The following CRIM1 variants were observed in gnomAD, a reference collection of about 807,000 sequenced individuals.
CRIM1 encodes the protein cysteine rich transmembrane BMP regulator 1, also known as cysteine-rich motor neuron 1 protein.
CRIM1 carries 32 observed loss-of-function variants against 116.4 expected under a neutral mutation model. That is an observed-to-expected ratio of 0.27 (90% CI 0.21 to 0.37). CRIM1 has a LOEUF of 0.37. Among genes scored for constraint, CRIM1 ranks in the 10% least tolerant of loss-of-function variants. CRIM1 has a pLI of 1.00. For missense variants in CRIM1, 1,331 were observed against 1,354.8 expected, an observed-to-expected ratio of 0.98 and a Z score of 0.28; for synonymous variants, 590 against 509.2, an observed-to-expected ratio of 1.16 and a Z score of -2.13.
chr2:36,506,519 C>T (rs2023409), intron 8 of CRIM1, among the ~76,000 whole-genome samples: 51,245 of 151,852 alleles, frequency 0.34, 9,419 homozygotes, highest in East Asian at 0.54. Flanking sequence ...TAATGAATGG[C>T]GCCCCCGACA....
At chr2:36,459,832 T>G (rs1438638696) in intron 4 of CRIM1, among the ~76,000 whole-genome samples, 1 of 151,994 alleles carries the variant, frequency 6.6e-6, no homozygotes, top group South Asian at 2.1e-4. Flanking sequence ...CAGTAGAATA[T>G]GGAAACTAAT....
chr2:36,500,511 C>T (rs746926087), intron 8 of CRIM1, among the ~76,000 whole-genome samples: 2 of 151,940 alleles, frequency 1.3e-5, no homozygotes, highest in African/African-American at 2.4e-5. Flanking sequence ...TGTAATAGAA[C>T]GTTTGATTTT....
intron 2 of CRIM1, among the ~76,000 whole-genome samples, chr2:36,426,976 G>C (rs976156867): frequency 1.3e-5 from 2 of 152,174 alleles, no homozygotes; most frequent in African/African-American, 4.8e-5. Context: ...GCTGAGGCGG[G>C]TGGATCACGA....
chr2:36,467,500 T>C (rs549480663), intron 5 of CRIM1, among the ~76,000 whole-genome samples: 1 of 152,326 alleles, frequency 6.6e-6, no homozygotes, highest in Admixed American at 6.5e-5. Flanking sequence ...AGATACTACA[T>C]ATCAAAGATT....
At chr2:36,390,359 A>T (rs1671479945) in intron 1 of CRIM1, among the ~76,000 whole-genome samples, 1 of 152,150 alleles carries the variant, frequency 6.6e-6, no homozygotes, top group Admixed American at 6.5e-5. Flanking sequence ...AACAATAAGA[A>T]CTCAAATAAA....
At chr2:36,506,157 A>ACACTCTCT (rs1397944202) in intron 8 of CRIM1, among the ~76,000 whole-genome samples, 4 of 125,196 alleles carry the variant, frequency 3.2e-5, no homozygotes, top group African/African-American at 1.3e-4. Context: ...ACACACACAC[A>ACACTCTCT]CTCTCTCTCT....
chr2:36,380,833 C>G (rs375577203), intron 1 of CRIM1, among the ~76,000 whole-genome samples: 2 of 152,214 alleles, frequency 1.3e-5, no homozygotes, highest in East Asian at 1.9e-4. Context: ...TTTAGGCCCG[C>G]CCAACTTTAC....
intron 1 of CRIM1, among the ~76,000 whole-genome samples, chr2:36,394,545 G>A (rs1260468605): frequency 1.3e-5 from 2 of 151,840 alleles, no homozygotes; most frequent in Admixed American, 1.3e-4. Context: ...TTGTCTTGAA[G>A]ATAGGAATGT....
intron 5 of CRIM1, among the ~76,000 whole-genome samples, chr2:36,473,134 A>G: frequency 6.6e-6 from 1 of 152,296 alleles, no homozygotes; most frequent in East Asian, 1.9e-4. Context: ...CGGGGTTGTT[A>G]TAAAATAAAT....
intron 1 of CRIM1, among the ~76,000 whole-genome samples, chr2:36,363,199 CAA>C (rs200110269): frequency 1.7e-3 from 116 of 70,108 alleles, no homozygotes; most frequent in Admixed American, 1.9e-3. Context: ...GACCCTGTCT[CAA>C]AAAAAAAAAA....
At chr2:36,395,867 T>C (rs1671989132) in intron 1 of CRIM1, among the ~76,000 whole-genome samples, 1 of 152,222 alleles carries the variant, frequency 6.6e-6, no homozygotes, top group Non-Finnish European at 1.5e-5. Flanking sequence ...GATTATTAGC[T>C]GCCTTAATGT....
At chr2:36,425,462 T>C (rs1674380578) in intron 2 of CRIM1, among the ~76,000 whole-genome samples, 1 of 152,212 alleles carries the variant, frequency 6.6e-6, no homozygotes, top group African/African-American at 2.4e-5. Flanking sequence ...GCTTTACATA[T>C]TTCTAGCAGA....
chr2:36,479,626 C>A lies in CRIM1; in HGVS notation c.1304C>A (p.Ala435Glu). 1 of 1,614,214 alleles carries A rather than the reference C, an allele frequency of 6.2e-7. No homozygotes were observed. Among genetic ancestry groups the A allele is most frequent in the Non-Finnish European group, 8.5e-7 (1 of 1,180,024 alleles). ...QCVNGERHCV[A>E]TVCGQTCTNP... ...GTCAACGGTGAACGCCACTGCGTTG[C>A]GACCGTCTGCGGACAGACCTGCACA... Residue 435 changes from alanine (A) to glutamate (E), a missense_variant, in exon 7 of 17, where the codon GCG (alanine) becomes GAG (glutamate). Transcript: ENST00000280527.
Position 36,471,845 on chromosome 2 carries a change from G to C in CRIM1, c.992-5044G>C, listed in dbSNP as rs149886321. On this transcript the variant is annotated intron_variant, in intron 5 of 16. Coordinates refer to ENST00000280527, the MANE Select transcript of CRIM1 (RefSeq NM_016441.3). ...GCAGGCTGCAGGTTAGACAAGTATG[G>C]ACTACAGTACAGTGTAAACATAACT... Among the ~76,000 whole-genome samples the C allele has an allele frequency of 1.5e-3, 228 of 152,198 alleles. 5 individuals carry two copies. The East Asian group carries it at 0.017, about 11-fold the overall frequency.
chr2:36,499,765 G>T lies in CRIM1; in HGVS notation c.1501+418G>T, dbSNP rs556907739. On this transcript the variant is annotated intron_variant, in intron 8 of 16. Coordinates refer to ENST00000280527, the MANE Select transcript of CRIM1 (RefSeq NM_016441.3). ...TTGACCCCAGCTTTGCCTCCATGCA[G>T]ATTCCAATCATGTATCCAGGCCCTG... is the stretch of plus-strand genomic sequence containing the variant. 2.6e-5 allele frequency among the ~76,000 whole-genome samples: 4 copies of T among 152,312 alleles called. 1 individual carries two copies. The South Asian group carries it at 6.2e-4, about 24-fold the overall frequency.
intron 11 of CRIM1, among the ~76,000 whole-genome samples, chr2:36,516,535 G>A (rs903687640): frequency 6.6e-6 from 1 of 152,062 alleles, no homozygotes; most frequent in African/African-American, 2.4e-5. Flanking sequence ...CTCTCCTCTG[G>A]GGAAAGAAAT....
At chr2:36,464,167 C>T (rs1677806758) in intron 4 of CRIM1, among the ~76,000 whole-genome samples, 3 of 152,208 alleles carry the variant, frequency 2.0e-5, no homozygotes, top group Non-Finnish European at 4.4e-5. Context: ...CCTGTGCAAG[C>T]ATCGATTCAC....
intron 5 of CRIM1, among the ~76,000 whole-genome samples, chr2:36,466,756 T>G (rs1296615849): frequency 6.6e-6 from 1 of 152,226 alleles, no homozygotes; most frequent in Non-Finnish European, 1.5e-5. Context: ...TCTAGAGGTG[T>G]CTGTTAAATG....
At chr2:36,484,872 T>C (rs1679700205) in intron 7 of CRIM1, among the ~76,000 whole-genome samples, 1 of 152,230 alleles carries the variant, frequency 6.6e-6, no homozygotes, top group African/African-American at 2.4e-5. Context: ...GTGCTAGCGG[T>C]TGGGCAAATG....
Sources: allele counts gnomAD v4.1 joint callset (sites outside exome capture counted in the v4.1 genomes callset), GRCh38; gene constraint gnomAD v4.1.1; transcripts MANE v1.5; gene names NCBI Gene and HGNC (gene_info 2026-07-23, HGNC 2026-07-21).